The following GRIK4 variants were observed in gnomAD, a reference collection of about 807,000 sequenced individuals.
GRIK4 encodes the protein glutamate receptor ionotropic, kainate 4.
A neutral mutation model predicts 104.9 loss-of-function variants in GRIK4; 40 were observed. The ratio of observed to expected loss-of-function variants is 0.38; its 90% confidence interval spans 0.30 to 0.50. The LOEUF (loss-of-function observed/expected upper bound fraction) is 0.50. GRIK4 is among the 20% of genes least tolerant of loss of function. The pLI, the probability that GRIK4 is intolerant of heterozygous loss-of-function variation, is 0.93. For synonymous variants in GRIK4, 485 were observed against 524.9 expected, an observed-to-expected ratio of 0.92 and a Z score of 1.04; for missense variants, 1,047 against 1,308.1, an observed-to-expected ratio of 0.80 and a Z score of 3.08.
In GRIK4 at chr11:120,980,796, G is replaced by A. The variant is rs989921365; in HGVS notation, c.2396-1310G>A. 3.9e-5 allele frequency among the ~76,000 whole-genome samples: 6 copies of A among 152,234 alleles called. No individual in the cohort carries two copies. The South Asian group carries it at 6.2e-4, about 16-fold the overall frequency. On this transcript the variant is annotated intron_variant, in intron 19 of 20. Coordinates refer to ENST00000527524, the MANE Select transcript of GRIK4 (RefSeq NM_014619.5). The stretch of plus-strand genomic sequence containing the variant: ...GTTCATCATGTGAGTCCTCAGAGTC[G>A]TTCCAAGCAGATTTTCAGTTGTAGG...
chr11:120,616,143 G>T (rs899129079), intron 1 of GRIK4, among the ~76,000 whole-genome samples: 1 of 152,154 alleles, frequency 6.6e-6, no homozygotes, highest in African/African-American at 2.4e-5. Context: ...TCTTTGTTGG[G>T]GTGGGGATGG....
At chr11:120,971,038 A>G (rs1944466454) in intron 19 of GRIK4, among the ~76,000 whole-genome samples, 1 of 152,172 alleles carries the variant, frequency 6.6e-6, no homozygotes, top group Admixed American at 6.5e-5. Context: ...AGTAAGATAA[A>G]TCAAGCATTC....
chr11:120,667,043 AG>A (rs1229709960), intron 3 of GRIK4, among the ~76,000 whole-genome samples: 2 of 152,100 alleles, frequency 1.3e-5, no homozygotes, highest in East Asian at 1.9e-4. Context: ...CCATACCCGG[AG>A]GGGGCCACAC....
intron 15 of GRIK4, among the ~76,000 whole-genome samples, chr11:120,954,106 C>T (rs543804798): frequency 8.5e-4 from 130 of 152,154 alleles, no homozygotes; most frequent in African/African-American, 2.9e-3. Flanking sequence ...ATGGAGCTGC[C>T]GCATGGTAAG....
chr11:120,982,886 A>G (rs1944675365), intron 20 of GRIK4, among the ~76,000 whole-genome samples: 2 of 152,294 alleles, frequency 1.3e-5, no homozygotes, highest in East Asian at 3.9e-4. Context: ...CTGGCCTCAC[A>G]TGGGGCCTTA....
intron 2 of GRIK4, among the ~76,000 whole-genome samples, chr11:120,655,148 CGTT>C (rs1949686318): frequency 6.6e-6 from 1 of 151,856 alleles, no homozygotes; most frequent in East Asian, 1.9e-4. Context: ...CAGACAGCAT[CGTT>C]GTCATAGGTA....
intron 3 of GRIK4, among the ~76,000 whole-genome samples, chr11:120,704,777 G>A (rs1212759369): frequency 6.6e-6 from 1 of 150,846 alleles, no homozygotes; most frequent in Admixed American, 6.6e-5. Context: ...AGGTACTTTA[G>A]ACTTGTATAC....
intron 3 of GRIK4, among the ~76,000 whole-genome samples, chr11:120,668,184 GAGGT>G (rs1218076031): frequency 2.6e-5 from 4 of 151,952 alleles, no homozygotes; most frequent in African/African-American, 4.8e-5. Flanking sequence ...GGTAGATAGA[GAGGT>G]AGGTAGGTAG....
chr11:120,534,498 C>T (rs185053234), intron 1 of GRIK4, among the ~76,000 whole-genome samples: 267 of 152,252 alleles, frequency 1.8e-3, no homozygotes, highest in Non-Finnish European at 3.1e-3. Context: ...TGACGGAGCG[C>T]TGAGAACCGT....
intron 3 of GRIK4, among the ~76,000 whole-genome samples, chr11:120,796,507 CG>C (rs1952520537): frequency 6.6e-6 from 1 of 151,942 alleles, no homozygotes; most frequent in Non-Finnish European, 1.5e-5. Context: ...GGGAGTTTCT[CG>C]GGAAATCCAA....
intron 3 of GRIK4, among the ~76,000 whole-genome samples, chr11:120,693,490 A>T (rs1591810005): frequency 6.6e-6 from 1 of 152,196 alleles, no homozygotes; most frequent in Non-Finnish European, 1.5e-5. Flanking sequence ...CTGTTGGAGT[A>T]GTCTGTCCAT....
chr11:120,759,912 G>T (rs1951717983), intron 3 of GRIK4, among the ~76,000 whole-genome samples: 1 of 151,974 alleles, frequency 6.6e-6, no homozygotes, highest in African/African-American at 2.4e-5. Context: ...TAGTAAGATG[G>T]TTGCTATAGT....
At chr11:120,610,888 G>A (rs944977756) in intron 1 of GRIK4, among the ~76,000 whole-genome samples, 2 of 152,140 alleles carry the variant, frequency 1.3e-5, no homozygotes, top group African/African-American at 4.8e-5. Context: ...CATGTTGATT[G>A]GAAACTCTCT....
chr11:120,936,465 T>C (rs1353221239), intron 13 of GRIK4: 4 of 216,266 alleles, frequency 1.8e-5, no homozygotes, highest in Non-Finnish European at 3.7e-5. Context: ...TTTTCCACCT[T>C]TGCCCTGTCT....
intron 12 of GRIK4, among the ~76,000 whole-genome samples, chr11:120,901,790 C>T (rs1942744564): frequency 6.6e-6 from 1 of 152,190 alleles, no homozygotes; most frequent in Non-Finnish European, 1.5e-5. Context: ...ACAGCTACGC[C>T]AAGTCCACAG....
chr11:120,803,407 T>C (rs1202356881), intron 4 of GRIK4, among the ~76,000 whole-genome samples: 2 of 152,280 alleles, frequency 1.3e-5, no homozygotes, highest in East Asian at 3.9e-4. Context: ...TTGCAAATCT[T>C]GCAGGTTGTT....
At chr11:120,681,837 G>A (rs1265479628) in intron 3 of GRIK4, among the ~76,000 whole-genome samples, 1 of 152,218 alleles carries the variant, frequency 6.6e-6, no homozygotes, top group Admixed American at 6.5e-5. Flanking sequence ...GTCTGTAGCC[G>A]AGGGTCCCCC....
chr11:120,780,977 C>T (rs1034846007), intron 3 of GRIK4, among the ~76,000 whole-genome samples: 5 of 152,088 alleles, frequency 3.3e-5, no homozygotes, highest in Non-Finnish European at 5.9e-5. Context: ...CTCCTGACCT[C>T]GTGATCTGCC....
chr11:120,756,021 T>C (rs940114829), intron 3 of GRIK4, among the ~76,000 whole-genome samples: 3 of 152,188 alleles, frequency 2.0e-5, no homozygotes, highest in Non-Finnish European at 4.4e-5. Flanking sequence ...CTCTGTTCTG[T>C]GTGTTGGACT....
Sources: gnomAD v4.1 joint callset for allele counts (sites outside exome capture counted in the v4.1 genomes callset) on GRCh38, gnomAD v4.1.1 for gene constraint, MANE v1.5 for transcripts, NCBI Gene and HGNC (gene_info 2026-07-23, HGNC 2026-07-21) for gene names.